CRYZ: variants seen among roughly 807,000 people sequenced by gnomAD.
CRYZ encodes zeta-crystallin.
In CRYZ, 35 loss-of-function variants were observed where a neutral mutation model predicts 34.1. The observed-to-expected ratio is 1.03, with a 90% CI of 0.78 to 1.36. The LOEUF (loss-of-function observed/expected upper bound fraction) is 1.36, where lower values mean the gene tolerates loss of function less well. Ranked by LOEUF, CRYZ falls within the 40% of genes most tolerant of loss-of-function variation. The pLI is 0.00. For missense variants in CRYZ, 403 were observed against 391.8 expected (o/e 1.03, Z -0.24); for synonymous variants, 137 against 136.5 (o/e 1.00, Z -0.03).
chr1:74,711,685 A>C (rs758700500), intron 5 of CRYZ, among the ~76,000 whole-genome samples: 1 of 151,996 alleles, frequency 6.6e-6, no homozygotes, highest in Non-Finnish European at 1.5e-5. Flanking sequence ...CAGGAATTTG[A>C]GGAGTTTGGG....
At chr1:74,731,596 G>A (rs1425373475) in intron 1 of CRYZ, among the ~76,000 whole-genome samples, 1 of 152,172 alleles carries the variant, frequency 6.6e-6, no homozygotes, top group African/African-American at 2.4e-5. Flanking sequence ...GGTAAGAAGA[G>A]GGGAGGAGTT....
At chr1:74,732,266 G>A (rs572563592) in intron 1 of CRYZ, among the ~76,000 whole-genome samples, 22 of 147,876 alleles carry the variant, frequency 1.5e-4, no homozygotes, top group Non-Finnish European at 2.9e-4. Flanking sequence ...TGTGCGAAGG[G>A]GCACTACCTA....
At chr1:74,728,086 G>T (rs1647481840) in intron 1 of CRYZ, among the ~76,000 whole-genome samples, 1 of 152,134 alleles carries the variant, frequency 6.6e-6, no homozygotes, top group Non-Finnish European at 1.5e-5. Context: ...AAAGGAAAAA[G>T]AAAATTCTGA....
At chr1:74,718,657 C>A (rs72970004) in intron 4 of CRYZ, among the ~76,000 whole-genome samples, 1 of 152,020 alleles carries the variant, frequency 6.6e-6, no homozygotes, top group Non-Finnish European at 1.5e-5. Flanking sequence ...TTCTAGTTAC[C>A]CTTCCTGAGG....
At chr1:74,712,356 A>C (rs915287297) in intron 5 of CRYZ, among the ~76,000 whole-genome samples, 1 of 152,190 alleles carries the variant, frequency 6.6e-6, no homozygotes, top group African/African-American at 2.4e-5. Flanking sequence ...TGTGACAACC[A>C]AATATGTCTT....
rs3815846 is a variant in CRYZ at position 74,724,695 on chromosome 1, G to C, written c.111+16C>G. The C allele has an allele frequency of 1.3e-5, 20 of 1,504,368 alleles. No homozygotes were observed. In the South Asian group the frequency reaches 2.2e-4, roughly 16 times the overall value. 93.2% of individuals were successfully genotyped at this position (1,504,368 alleles called of 1,614,324 possible). On this transcript the variant is annotated intron_variant, in intron 2 of 8. Transcript: ENST00000340866. ...TCAGTATAATTATAGCCTCAATAAA[G>C]TAATTTTATTTCTACCTGATGGTCT... is the stretch of plus-strand genomic sequence containing the variant.
chr1:74,726,005 C>T (rs1647316757), intron 1 of CRYZ, among the ~76,000 whole-genome samples: 1 of 152,220 alleles, frequency 6.6e-6, no homozygotes, highest in Admixed American at 6.5e-5. Flanking sequence ...GGCAGCTCTG[C>T]CCCTGTGGCT....
Position 74,720,315 on chromosome 1 carries a change from T to C in CRYZ, c.265-943A>G, listed in dbSNP as rs112015050. On this transcript the variant is annotated intron_variant, in intron 3 of 8. Transcript: ENST00000340866. ...CCATACTAGGACCCTGACAGCAGGA[T>C]GACCCAGGACAGCCTTCTTCTTGTC... Among the ~76,000 whole-genome samples, 1,143 of 150,670 alleles carry C rather than the reference T, an allele frequency of 7.6e-3. 12 individuals carry two copies. The highest frequency in any genetic ancestry group is 9.8e-3 in the Non-Finnish European group (653 of 66,774).
At position 74,706,100 on chromosome 1, in the gene CRYZ, A is replaced by T. The variant is rs1424670; in HGVS notation, c.*196T>A. 7.8e-3 allele frequency: 3,692 copies of T among 470,664 alleles called. 91 individuals carry two copies. Among genetic ancestry groups the T allele is most frequent in the African/African-American group, 0.054 (2,733 of 50,200 alleles). The allele number at this position is 470,664 out of a possible 1,614,324, so 29.2% of individuals were successfully genotyped here. A position where few individuals can be genotyped will look rare whatever the true frequency, so the allele number is the denominator to read the frequency against. ...TACTATGATGACTCTTTGATTTGAG[A>T]CAGATGGCATAAAAAAATATTGCTA... On this transcript the variant is annotated 3_prime_UTR_variant, in exon 9 of 9. Transcript: ENST00000340866.
intron 5 of CRYZ, among the ~76,000 whole-genome samples, chr1:74,712,399 G>T (rs970749490): frequency 6.6e-6 from 1 of 152,210 alleles, no homozygotes; most frequent in Non-Finnish European, 1.5e-5. Context: ...AGCGGAAGGA[G>T]AAATGATGCA....
chr1:74,709,312 G>C (rs1269168294), intron 6 of CRYZ, among the ~76,000 whole-genome samples: 1 of 152,038 alleles, frequency 6.6e-6, no homozygotes, highest in Non-Finnish European at 1.5e-5. Context: ...TCATCTTTGT[G>C]AATATTCTTG....
At chr1:74,720,631 A>G (rs1334815496) in intron 3 of CRYZ, among the ~76,000 whole-genome samples, 1 of 152,204 alleles carries the variant, frequency 6.6e-6, no homozygotes, top group East Asian at 1.9e-4. Flanking sequence ...TAGGATAAAG[A>G]CAAAAAAGAT....
At chr1:74,710,640 G>A (rs1646989222) in intron 5 of CRYZ, among the ~76,000 whole-genome samples, 1 of 152,118 alleles carries the variant, frequency 6.6e-6, no homozygotes, top group Non-Finnish European at 1.5e-5. Context: ...TGTTTGCAGG[G>A]TTTAAAGATG....
chr1:74,719,429 A>G (rs1647125051), intron 3 of CRYZ, 57 bp from the exon 4 acceptor site: 5 of 1,485,274 alleles, frequency 3.4e-6, no homozygotes, highest in Non-Finnish European at 4.6e-6. Flanking sequence ...ATGTCAAAAT[A>G]GGTATAATCC....
At chr1:74,730,723 T>C (rs1436559495) in intron 1 of CRYZ, among the ~76,000 whole-genome samples, 2 of 152,182 alleles carry the variant, frequency 1.3e-5, no homozygotes, top group African/African-American at 4.8e-5. Context: ...TGTTAGCTGA[T>C]TTTTTTCTTT....
intron 1 of CRYZ, among the ~76,000 whole-genome samples, chr1:74,729,431 T>G (rs1301155844): frequency 2.8e-5 from 4 of 142,686 alleles, no homozygotes; most frequent in African/African-American, 1.0e-4. Context: ...TGCCTGAGCC[T>G]AGGAGATCAA....
At chr1:74,723,016 T>C (rs1647191773) in intron 3 of CRYZ, 102 bp downstream of exon 3, 2 of 1,164,802 alleles carry the variant, frequency 1.7e-6, no homozygotes, top group Non-Finnish European at 2.5e-6. Flanking sequence ...AATTGTGTAA[T>C]GGGGCCTTTT....
chr1:74,706,374 T>G lies in CRYZ; in HGVS notation c.912A>C (p.Pro304=). 3.1e-6 allele frequency: 5 copies of G among 1,612,706 alleles called. No individual in the cohort carries two copies. The highest frequency in any genetic ancestry group is 4.2e-6 in the Non-Finnish European group (5 of 1,178,980). The stretch of plus-strand genomic sequence containing the variant: ...CATGAGCCTCGGCCACCTTCTCCAA[T>G]GGATATTGAGAACCTATCACAGGTT... ...WLKPVIGSQY[P]LEKVAEAHEN... Residue 304 remains proline (P), a synonymous_variant, in exon 9 of 9, where the codon CCA becomes CCC. Coordinates refer to ENST00000340866, the MANE Select transcript of CRYZ (RefSeq NM_001889.4).
chr1:74,722,887 T>C (rs543047192), intron 3 of CRYZ, among the ~76,000 whole-genome samples: 2 of 152,200 alleles, frequency 1.3e-5, no homozygotes, highest in East Asian at 3.9e-4. Context: ...TGTGGGGACA[T>C]GAAGATACAG....
Sources: allele counts gnomAD v4.1 joint callset (sites outside exome capture counted in the v4.1 genomes callset), GRCh38; gene constraint gnomAD v4.1.1; transcripts MANE v1.5; gene names NCBI Gene and HGNC (gene_info 2026-07-23, HGNC 2026-07-21).